QRICH1: variants seen among roughly 807,000 people sequenced by gnomAD.
The protein encoded by QRICH1 is glutamine rich 1.
Under a neutral mutation model 87.1 loss-of-function variants are expected in QRICH1, and 16 were observed. That is an observed-to-expected ratio of 0.18 (90% CI 0.12 to 0.28). QRICH1 has a LOEUF of 0.28. Ranked by LOEUF, QRICH1 falls within the 10% of genes least tolerant of loss-of-function variation. The pLI is 1.00. For synonymous variants in QRICH1, 367 were observed against 368.4 expected (o/e 1.00, Z 0.05); for missense variants, 647 against 951.7 (o/e 0.68, Z 4.21).
chr3:49,066,465 C>CT (rs747105949), intron 2 of QRICH1, among the ~76,000 whole-genome samples: 4,755 of 143,234 alleles, frequency 0.033, 110 homozygotes, highest in Non-Finnish European at 0.052. Context: ...CTTTACTTTT[C>CT]TTTTTTTTTT....
chr3:49,047,559 C>G (rs2093345998), intron 3 of QRICH1, among the ~76,000 whole-genome samples: 1 of 149,962 alleles, frequency 6.7e-6, no homozygotes, highest in Non-Finnish European at 1.5e-5. Context: ...TCTCAGCTCA[C>G]TGCACCCTCC....
intron 2 of QRICH1, among the ~76,000 whole-genome samples, chr3:49,064,009 C>T (rs887480508): frequency 1.3e-5 from 2 of 151,618 alleles, no homozygotes. Flanking sequence ...CGGGTTCAAG[C>T]GATTCTCTTG....
At position 49,032,279 on chromosome 3, in the gene QRICH1, A is replaced by C; in HGVS notation, c.2048-6T>G. Reference sequence around the variant, plus strand: ...TGCATACATGTCATCTGTAACTATAAAACACACATCCCCACCACCACAGAC... The same window carrying C: ...TGCATACATGTCATCTGTAACTATACAACACACATCCCCACCACCACAGAC... On this transcript the variant is annotated splice_polypyrimidine_tract_variant and splice_region_variant and intron_variant, in intron 8 of 9. Coordinates refer to ENST00000395443, the MANE Select transcript of QRICH1 (RefSeq NM_198880.3). 6.2e-7 allele frequency: 1 copy of C among 1,605,556 alleles called. No individual in the cohort carries two copies.
At chr3:49,053,032 A>C (rs1285537087) in intron 3 of QRICH1, among the ~76,000 whole-genome samples, 1 of 152,182 alleles carries the variant, frequency 6.6e-6, no homozygotes, top group Non-Finnish European at 1.5e-5. Context: ...ATGGCAATGG[A>C]AAGAAATCCC....
chr3:49,090,047 G>T (rs1404097283), intron 1 of QRICH1, among the ~76,000 whole-genome samples: 1 of 152,230 alleles, frequency 6.6e-6, no homozygotes, highest in Admixed American at 6.5e-5. Context: ...GGGCGCAGTG[G>T]CTCACGCCTG....
chr3:49,079,969 C>T (rs944916247), intron 1 of QRICH1, among the ~76,000 whole-genome samples: 2 of 148,524 alleles, frequency 1.3e-5, no homozygotes, highest in Non-Finnish European at 3.0e-5. Context: ...GCAGAGGTTG[C>T]GGTGAGCCGA....
In QRICH1 at chr3:49,047,336, T is replaced by C. The variant is rs532202198; in HGVS notation, c.1339-90A>G. On this transcript the variant is annotated intron_variant, in intron 3 of 9. Coordinates refer to ENST00000395443, the MANE Select transcript of QRICH1 (RefSeq NM_198880.3). ...CCAGAAAAATGTTATGTATAGTTCA[T>C]TTATTTAAGAAAATATTTCTCTACT... is the stretch of plus-strand genomic sequence containing the variant. 13 of 1,231,124 alleles carry C rather than the reference T, an allele frequency of 1.1e-5. No individual in the cohort carries two copies. The East Asian group carries it at 3.1e-4, about 29-fold the overall frequency. The allele number at this position is 1,231,124 out of a possible 1,614,324, so 76.3% of individuals were successfully genotyped here.
intron 1 of QRICH1, chr3:49,093,523 T>C (rs1278501323): frequency 1.3e-5 from 2 of 150,674 alleles, no homozygotes; most frequent in Non-Finnish European, 3.0e-5. Context: ...GCCCCAAAAC[T>C]GGGGGTCGTC....
At chr3:49,069,101 A>ATTTTTTT (rs1340493320) in intron 2 of QRICH1, among the ~76,000 whole-genome samples, 5 of 87,398 alleles carry the variant, frequency 5.7e-5, no homozygotes, top group South Asian at 5.3e-4. Flanking sequence ...TATTATTATT[A>ATTTTTTT]TTATTATTTT....
chr3:49,063,347 ACT>A (rs1039991862), intron 2 of QRICH1, among the ~76,000 whole-genome samples: 19 of 152,194 alleles, frequency 1.2e-4, no homozygotes, highest in Admixed American at 1.2e-3. Flanking sequence ...AGACCTACTA[ACT>A]CTGAAATTCT....
intron 6 of QRICH1, among the ~76,000 whole-genome samples, chr3:49,034,487 C>T (rs1029985887): frequency 6.6e-6 from 1 of 151,816 alleles, no homozygotes; most frequent in Non-Finnish European, 1.5e-5. Context: ...TTCGCTCTGT[C>T]ACCCAAGCTA....
Position 49,030,018 on chromosome 3 carries a change from G to GA in QRICH1, c.*433dup, listed in dbSNP as rs1406127834. 8.1e-6 allele frequency: 2 copies of GA among 246,458 alleles called. No homozygotes were observed. Among genetic ancestry groups the GA allele is most frequent in the East Asian group, 8.1e-5 (1 of 12,398 alleles). 15.3% of individuals were successfully genotyped at this position (246,458 alleles called of 1,614,324 possible). On this transcript the variant is annotated 3_prime_UTR_variant, in exon 10 of 10. Coordinates refer to ENST00000395443, the MANE Select transcript of QRICH1 (RefSeq NM_198880.3). ...TGCTAAGTTTATGTCTGATCATGAA[G>GA]AAAGAAAAGAACATCGTTCCCCTGT...
chr3:49,091,090 G>A (rs2107061072), intron 1 of QRICH1, among the ~76,000 whole-genome samples: 1 of 152,258 alleles, frequency 6.6e-6, no homozygotes, highest in Non-Finnish European at 1.5e-5. Flanking sequence ...AGGCATGGTG[G>A]CGGGAGCCTG....
chr3:49,031,428 T>A (rs1293030891), intron 9 of QRICH1, among the ~76,000 whole-genome samples: 1 of 152,160 alleles, frequency 6.6e-6, no homozygotes, highest in Non-Finnish European at 1.5e-5. Context: ...CATCCATCCA[T>A]TCAAGATTTA....
chr3:49,075,149 A>AT (rs2041925828), intron 2 of QRICH1, among the ~76,000 whole-genome samples: 1 of 149,462 alleles, frequency 6.7e-6, no homozygotes, highest in Non-Finnish European at 1.5e-5. Flanking sequence ...TAGGGAGACT[A>AT]TATCTCTACA....
chr3:49,030,720 TG>T, intron 9 of QRICH1, 76 bp from the exon 10 acceptor site: 3 of 1,288,892 alleles, frequency 2.3e-6, no homozygotes, highest in Non-Finnish European at 3.2e-6. Context: ...CCCAGACAGA[TG>T]CTGTCTGCAA....
At chr3:49,093,606 A>G (rs978169576) in intron 1 of QRICH1, 1 of 154,566 alleles carries the variant, frequency 6.5e-6, no homozygotes, top group African/African-American at 2.4e-5. Flanking sequence ...CCGGGCCGGG[A>G]ACGCGCACGT....
rs2042332793 is a variant in QRICH1 at position 49,093,979 on chromosome 3, G to A, written c.-89C>T. ...CCGCCGGCCCCGCCGCACCGCCAGGGACCCTGGTTCTGCCGTCGTCGCTCC... is the reference window on the plus strand; with the variant it reads ...CCGCCGGCCCCGCCGCACCGCCAGGAACCCTGGTTCTGCCGTCGTCGCTCC... On this transcript the variant is annotated 5_prime_UTR_variant, in exon 1 of 10. Coordinates refer to ENST00000395443, the MANE Select transcript of QRICH1 (RefSeq NM_198880.3). The A allele has an allele frequency of 2.5e-6, 1 of 403,334 alleles. No homozygotes were observed. Among genetic ancestry groups the A allele is most frequent in the Non-Finnish European group, 4.3e-6 (1 of 230,076 alleles). The allele number at this position is 403,334 out of a possible 1,614,324, so 25.0% of individuals were successfully genotyped here.
intron 1 of QRICH1, among the ~76,000 whole-genome samples, chr3:49,093,051 T>G (rs936192948): frequency 7.9e-5 from 12 of 152,098 alleles, no homozygotes; most frequent in Non-Finnish European, 1.5e-4. Flanking sequence ...AGAGGTGACG[T>G]GTATGAATTA....
Sources: gnomAD v4.1 joint callset for allele counts (sites outside exome capture counted in the v4.1 genomes callset) on GRCh38, gnomAD v4.1.1 for gene constraint, MANE v1.5 for transcripts, NCBI Gene and HGNC (gene_info 2026-07-23, HGNC 2026-07-21) for gene names.